NHSL1: variants seen among roughly 807,000 people sequenced by gnomAD.
NHSL1 encodes the protein NHS-like protein 1.
Under a neutral mutation model 95.0 loss-of-function variants are expected in NHSL1, and 48 were observed. The observed-to-expected ratio is 0.51, with a 90% CI of 0.40 to 0.64. NHSL1 has a LOEUF of 0.64. Ranked by LOEUF, NHSL1 falls within the 30% of genes least tolerant of loss-of-function variation. The probability of loss-of-function intolerance (pLI) is 0.00; values close to 1 mark genes in which losing one functional copy is unlikely to be tolerated. For missense variants in NHSL1, 1,971 were observed against 2,077.7 expected (o/e 0.95, Z 1.00); for synonymous variants, 783 against 833.9 (o/e 0.94, Z 1.05).
chr6:138,536,884 C>T (rs1782375697), intron 1 of NHSL1, among the ~76,000 whole-genome samples: 1 of 152,108 alleles, frequency 6.6e-6, no homozygotes, highest in Non-Finnish European at 1.5e-5. Flanking sequence ...CTCTTACACT[C>T]CCTGGCCTCT....
intron 1 of NHSL1, among the ~76,000 whole-genome samples, chr6:138,685,842 TG>T (rs1181014485): frequency 6.6e-6 from 1 of 152,180 alleles, no homozygotes; most frequent in Admixed American, 6.5e-5. Context: ...ACTTGAACCC[TG>T]TCTGGATTCA....
upstream of NHSL1, among the ~76,000 whole-genome samples, chr6:138,547,892 G>C (rs774025006): frequency 4.7e-4 from 72 of 152,248 alleles, no homozygotes; most frequent in Middle Eastern, 3.4e-3. Context: ...TGTAATTTAC[G>C]AATTACAGAG....
In NHSL1 at chr6:138,431,842, T is replaced by C. The variant is rs1446951519; in HGVS notation, c.2503A>G (p.Lys835Glu). The part of the protein sequence containing the change: ...PQVPGGSVKP[K>E]IMSPEKSHRV... ...TGTGACTTCTCTGGTGACATGATCT[T>C]TGGTTTGACTGAACCACCGGGCACT... The change falls in exon 6 of 8, where the codon AAG becomes GAG. Residue 835 changes from lysine (K) to glutamate (E), a missense_variant. Lys to Glu is a moderately conservative substitution (Grantham distance 56, BLOSUM62 1). Coordinates refer to ENST00000343505, the MANE Select transcript of NHSL1 (RefSeq NM_001144060.2). This position sits in a 1 kb window ranked among gnomAD's most constrained non-coding sequence, Gnocchi z 4.0. 9 of 1,551,568 alleles carry C rather than the reference T, an allele frequency of 5.8e-6. No individual in the cohort carries two copies. Among genetic ancestry groups the C allele is most frequent in the Middle Eastern group, 3.3e-4 (2 of 6,014 alleles).
intron 1 of NHSL1, among the ~76,000 whole-genome samples, chr6:138,535,810 A>C (rs1782316707): frequency 6.6e-6 from 1 of 152,218 alleles, no homozygotes; most frequent in South Asian, 2.1e-4. Context: ...ACTGTAAAAC[A>C]GCAAAAGACT....
chr6:138,457,037 C>A (rs1047995076), intron 3 of NHSL1, among the ~76,000 whole-genome samples: 1 of 151,978 alleles, frequency 6.6e-6, no homozygotes, highest in South Asian at 2.1e-4. Context: ...CATGCCACCA[C>A]GCCTGGCTAA....
At chr6:138,475,673 T>C (rs1342109945) in intron 2 of NHSL1, among the ~76,000 whole-genome samples, 1 of 152,098 alleles carries the variant, frequency 6.6e-6, no homozygotes, top group Non-Finnish European at 1.5e-5. Flanking sequence ...AGGCCGGGCA[T>C]GGTGGCTCAC....
chr6:138,500,034 G>C (rs1780589853), upstream of NHSL1, among the ~76,000 whole-genome samples: 1 of 151,564 alleles, frequency 6.6e-6, no homozygotes, highest in Non-Finnish European at 1.5e-5. Flanking sequence ...TCAGCATTGT[G>C]TGTTCCAAAG....
upstream of NHSL1, among the ~76,000 whole-genome samples, chr6:138,547,270 A>T (rs559324602): frequency 1.3e-5 from 2 of 152,024 alleles, no homozygotes; most frequent in East Asian, 3.9e-4. Flanking sequence ...AAGTCACTGT[A>T]CTAGTTTCTA....
chr6:138,657,072 C>T (rs1785166454), intron 1 of NHSL1, among the ~76,000 whole-genome samples: 1 of 152,080 alleles, frequency 6.6e-6, no homozygotes, highest in Admixed American at 6.6e-5. Context: ...AATTTTTCCC[C>T]ATAGATAACG....
At chr6:138,490,839 G>A (rs143939284) in intron 2 of NHSL1, among the ~76,000 whole-genome samples, 124 of 152,204 alleles carry the variant, frequency 8.1e-4, no homozygotes, top group South Asian at 1.7e-3. Flanking sequence ...TCACCATGTT[G>A]GCCAGGATGG....
At chr6:138,437,787 AG>A (rs1451128630) in intron 5 of NHSL1, among the ~76,000 whole-genome samples, 1 of 152,224 alleles carries the variant, frequency 6.6e-6, no homozygotes, top group Non-Finnish European at 1.5e-5. Context: ...AACTTTTGAG[AG>A]GATCAAGACT....
intron 1 of NHSL1, among the ~76,000 whole-genome samples, chr6:138,686,100 T>A (rs1458388065): frequency 6.6e-6 from 1 of 152,140 alleles, no homozygotes; most frequent in African/African-American, 2.4e-5. Context: ...AAGAGATCTA[T>A]AATCAACATG....
chr6:138,571,671 A>G (rs753165469), intron 1 of NHSL1: 1 of 1,540,280 alleles, frequency 6.5e-7, no homozygotes, highest in South Asian at 1.2e-5. Context: ...TACATAACAA[A>G]CTTTTTCAAA....
intron 1 of NHSL1, among the ~76,000 whole-genome samples, chr6:138,678,893 G>A (rs909682056): frequency 6.6e-6 from 1 of 152,166 alleles, no homozygotes; most frequent in Non-Finnish European, 1.5e-5. Flanking sequence ...GCAAAACAAT[G>A]TGTTTAGATT....
In NHSL1 at chr6:138,433,457, A is replaced by G; in HGVS notation, c.888T>C (p.Gly296=). 6.4e-7 allele frequency: 1 copy of G among 1,552,236 alleles called. No homozygotes were observed. Among genetic ancestry groups the G allele is most frequent in the Non-Finnish European group, 8.7e-7 (1 of 1,147,110 alleles). The change falls in exon 6 of 8, where the codon GGT becomes GGC. Residue 296 remains glycine (G), a synonymous_variant. Transcript: ENST00000343505. ...TCAGCACAGACATGTTGCCAGAGGAACCTGAGAAGTGGCCCATCTGGGCAG... is the reference window on the plus strand; with the variant it reads ...TCAGCACAGACATGTTGCCAGAGGAGCCTGAGAAGTGGCCCATCTGGGCAG... ...GIAAQMGHFS[G]SSGNMSVLSD...
chr6:138,502,239 C>A (rs1780722708), upstream of NHSL1, among the ~76,000 whole-genome samples: 1 of 152,174 alleles, frequency 6.6e-6, no homozygotes, highest in African/African-American at 2.4e-5. Context: ...TTTGAAAGCA[C>A]TTATTAATTA....
rs1489647135 is a variant in NHSL1 at position 138,593,669 on chromosome 6, C to G, written c.97-97298G>C. 2.0e-5 allele frequency among the ~76,000 whole-genome samples: 3 copies of G among 152,210 alleles called. No homozygotes were observed. In the East Asian group the frequency reaches 5.8e-4, roughly 29 times the overall value. On this transcript the variant is annotated intron_variant, in intron 1 of 3. Transcript: ENST00000491526. ...TTCCAGTAGACGGTCTCCCCAGGCA[C>G]AAACTCATGCACATTATATTTCATG...
chr6:138,451,663 T>A (rs568756712), intron 3 of NHSL1, among the ~76,000 whole-genome samples: 160 of 152,250 alleles, frequency 1.1e-3, no homozygotes, highest in Non-Finnish European at 1.9e-3. Flanking sequence ...TGTTTAATAA[T>A]AAGGAAGTGG....
chr6:138,576,025 T>C (rs1783965980), upstream of NHSL1, among the ~76,000 whole-genome samples: 1 of 151,876 alleles, frequency 6.6e-6, no homozygotes, highest in Non-Finnish European at 1.5e-5. Context: ...AGAGTCTCAC[T>C]CTGTCACTCA....
Sources: gnomAD v4.1 joint callset for allele counts (sites outside exome capture counted in the v4.1 genomes callset) on GRCh38, gnomAD v4.1.1 for gene constraint, Gnocchi (gnomAD v3.1) non-coding constraint, MANE v1.5 for transcripts, NCBI Gene and HGNC (gene_info 2026-07-23, HGNC 2026-07-21) for gene names.